Variants in NR2C2 observed in about 807,000 individuals in gnomAD.
NR2C2 encodes the protein nuclear receptor subfamily 2 group C member 2, also known as Nuclear hormone receptor TR4.
In NR2C2, 6 loss-of-function variants were observed where a neutral mutation model predicts 62.9. The observed-to-expected ratio is 0.10, with a 90% CI of 0.05 to 0.19. The LOEUF (loss-of-function observed/expected upper bound fraction) is 0.19, where lower values mean the gene tolerates loss of function less well. Among genes scored for constraint, NR2C2 ranks in the 10% least tolerant of loss-of-function variants. The pLI is 1.00. For missense variants in NR2C2, 479 were observed against 762.7 expected, an observed-to-expected ratio of 0.63 and a Z score of 4.38; for synonymous variants, 272 against 273.8, an observed-to-expected ratio of 0.99 and a Z score of 0.07.
intron 8 of NR2C2, among the ~76,000 whole-genome samples, chr3:15,029,107 TTC>T: frequency 6.6e-6 from 1 of 151,386 alleles, no homozygotes; most frequent in South Asian, 2.1e-4. Context: ...TTTTTCTTTT[TTC>T]TTTTTTTTTT....
chr3:14,977,948 CAAAAAA>C (rs11388882), intron 1 of NR2C2, among the ~76,000 whole-genome samples: 7 of 104,232 alleles, frequency 6.7e-5, no homozygotes, highest in Non-Finnish European at 1.2e-4. Context: ...GACTCTGCCT[CAAAAAA>C]AAAAAAAAAG....
At chr3:15,036,566 T>A (rs1235132091) in intron 11 of NR2C2, among the ~76,000 whole-genome samples, 1 of 152,172 alleles carries the variant, frequency 6.6e-6, no homozygotes, top group East Asian at 1.9e-4. Context: ...CATAGCTCAC[T>A]ACAGCCTTGA....
chr3:15,018,007 C>CT (rs1420288056), intron 4 of NR2C2, among the ~76,000 whole-genome samples: 10 of 151,266 alleles, frequency 6.6e-5, no homozygotes, highest in East Asian at 5.8e-4. Context: ...GGAGGGGCCG[C>CT]TTTTTTTTTG....
At chr3:15,035,848 G>A (rs1005995372) in intron 11 of NR2C2, among the ~76,000 whole-genome samples, 8 of 152,248 alleles carry the variant, frequency 5.3e-5, no homozygotes, top group African/African-American at 1.7e-4. Context: ...GCAACATGGC[G>A]AAACCTCGTC....
chr3:15,004,378 T>A (rs2041107769), intron 2 of NR2C2, among the ~76,000 whole-genome samples: 4 of 152,216 alleles, frequency 2.6e-5, no homozygotes, highest in African/African-American at 9.6e-5. Flanking sequence ...AAAATAGACA[T>A]AATAGTAGTA....
At chr3:15,000,283 C>T (rs2040952193) in intron 1 of NR2C2, among the ~76,000 whole-genome samples, 1 of 152,110 alleles carries the variant, frequency 6.6e-6, no homozygotes, top group African/African-American at 2.4e-5. Flanking sequence ...CTTTCTGTGC[C>T]TGGCTTATTT....
chr3:15,037,239 GTT>G (rs1491514104), intron 11 of NR2C2, among the ~76,000 whole-genome samples: 3 of 149,448 alleles, frequency 2.0e-5, no homozygotes, highest in African/African-American at 5.0e-5. Flanking sequence ...GTGTGTGTGT[GTT>G]TTTGTTTTTT....
At position 15,049,231 on chromosome 3, in the gene NR2C2, AC is replaced by A. The variant is rs1471931460; in HGVS notation, c.*6225del. On this transcript the variant is annotated 3_prime_UTR_variant, in exon 14 of 14. Coordinates refer to ENST00000425241, the MANE Select transcript of NR2C2 (RefSeq NM_001291694.2). ...ATTATTGTTGTGGCTTAATACTACT[AC>A]CTAAATGAGGTTTATACTATTAAAA... 6.5e-6 allele frequency: 1 copy of A among 152,676 alleles called. No individual in the cohort carries two copies. Among genetic ancestry groups the A allele is most frequent in the African/African-American group, 2.4e-5 (1 of 41,444 alleles). 9.5% of individuals were successfully genotyped at this position (152,676 alleles called of 1,614,324 possible). A position where few individuals can be genotyped will look rare whatever the true frequency, so the allele number is the denominator to read the frequency against.
chr3:15,021,618 G>A (rs1258017932), intron 5 of NR2C2, among the ~76,000 whole-genome samples: 1 of 152,198 alleles, frequency 6.6e-6, no homozygotes, highest in Non-Finnish European at 1.5e-5. Flanking sequence ...CAAGGAGAGT[G>A]GAGTTAGGCT....
At chr3:15,029,220 C>G (rs914353264) in intron 8 of NR2C2, among the ~76,000 whole-genome samples, 17 of 151,924 alleles carry the variant, frequency 1.1e-4, no homozygotes, top group African/African-American at 4.1e-4. Context: ...GCTGGGTTTA[C>G]AGGCGTGCGC....
intron 4 of NR2C2, among the ~76,000 whole-genome samples, chr3:15,018,562 A>T (rs929750612): frequency 6.6e-6 from 1 of 152,032 alleles, no homozygotes; most frequent in Non-Finnish European, 1.5e-5. Flanking sequence ...TATCACCTCC[A>T]GTTAGGATGT....
At position 14,979,927 on chromosome 3, in the gene NR2C2, C is replaced by T. The variant is rs185929305; in HGVS notation, c.-39-23949C>T. Among the ~76,000 whole-genome samples, 356 of 152,104 alleles carry T rather than the reference C, an allele frequency of 2.3e-3. 1 individual carries two copies. The highest frequency in any genetic ancestry group is 3.5e-3 in the Non-Finnish European group (235 of 67,994). On this transcript the variant is annotated intron_variant, in intron 1 of 13. Coordinates refer to ENST00000425241, the MANE Select transcript of NR2C2 (RefSeq NM_001291694.2). The stretch of plus-strand genomic sequence containing the variant: ...TTTGGGGGTTGAATCACAAGCCTAC[C>T]GATAATGTAAACTGCCACAGTCAGT...
intron 4 of NR2C2, among the ~76,000 whole-genome samples, chr3:15,020,261 G>A (rs1009898967): frequency 5.9e-5 from 9 of 152,188 alleles, no homozygotes; most frequent in African/African-American, 2.2e-4. Context: ...GGCCCAGGAC[G>A]TGAATCAGAG....
intron 11 of NR2C2, among the ~76,000 whole-genome samples, chr3:15,036,537 G>T (rs1575039663): frequency 1.3e-5 from 2 of 152,278 alleles, no homozygotes; most frequent in East Asian, 3.9e-4. Flanking sequence ...GTGTTGCCAG[G>T]CTGGAGTGCA....
chr3:14,957,361 T>C (rs2039556834), intron 1 of NR2C2, among the ~76,000 whole-genome samples: 1 of 151,482 alleles, frequency 6.6e-6, no homozygotes, highest in African/African-American at 2.5e-5. Flanking sequence ...TGCAGTGAAG[T>C]CTGTGCCCTA....
chr3:14,977,909 A>G (rs1053315194), intron 1 of NR2C2, among the ~76,000 whole-genome samples: 22 of 149,958 alleles, frequency 1.5e-4, no homozygotes, highest in African/African-American at 5.2e-4. Context: ...AGATTGTACC[A>G]CTGCACTCCA....
Position 15,047,662 on chromosome 3 carries a change from G to A in NR2C2, c.*4654G>A, listed in dbSNP as rs934386079. On this transcript the variant is annotated 3_prime_UTR_variant, in exon 14 of 14. Coordinates refer to ENST00000425241, the MANE Select transcript of NR2C2 (RefSeq NM_001291694.2). The stretch of plus-strand genomic sequence containing the variant: ...AGCAAGATGTGGGGCACTGTCCTAT[G>A]ACTGAATAAATAGTAATTCCCATCT... 3.9e-5 allele frequency: 6 copies of A among 152,208 alleles called. No homozygotes were observed. Among genetic ancestry groups the A allele is most frequent in the African/African-American group, 1.2e-4 (5 of 41,446 alleles). 9.4% of individuals were successfully genotyped at this position (152,208 alleles called of 1,614,324 possible). A position where few individuals can be genotyped will look rare whatever the true frequency, so the allele number is the denominator to read the frequency against.
At chr3:15,022,217 A>G (rs1251810752) in intron 5 of NR2C2, among the ~76,000 whole-genome samples, 1 of 152,198 alleles carries the variant, frequency 6.6e-6, no homozygotes, top group African/African-American at 2.4e-5. Flanking sequence ...CTGCTCTTAC[A>G]TTAGACTGCT....
At chr3:15,041,032 A>T (rs1045771673) in intron 13 of NR2C2, among the ~76,000 whole-genome samples, 1 of 152,036 alleles carries the variant, frequency 6.6e-6, no homozygotes, top group Non-Finnish European at 1.5e-5. Context: ...ATCATGAGTC[A>T]CTCCTGTCCA....
Sources: allele counts gnomAD v4.1 joint callset (sites outside exome capture counted in the v4.1 genomes callset), GRCh38; gene constraint gnomAD v4.1.1; transcripts MANE v1.5; gene names NCBI Gene and HGNC (gene_info 2026-07-23, HGNC 2026-07-21).